The following NSRP1 variants were observed in gnomAD, a reference collection of about 807,000 sequenced individuals.
The protein encoded by NSRP1 is coiled-coil domain containing 55.
NSRP1 carries 24 observed loss-of-function variants against 54.7 expected under a neutral mutation model. The observed-to-expected ratio is 0.44, with a 90% confidence interval of 0.32 to 0.62. NSRP1 has a LOEUF of 0.62. Ranked by LOEUF, NSRP1 falls within the 20% of genes least tolerant of loss-of-function variation. The pLI, the probability that NSRP1 is intolerant of heterozygous loss-of-function variation, is 0.06. For missense variants in NSRP1, 596 were observed against 651.2 expected, an observed-to-expected ratio of 0.92 and a Z score of 0.92; for synonymous variants, 210 against 213.8, an observed-to-expected ratio of 0.98 and a Z score of 0.15.
chr17:30,176,811 T>C (rs571735926), intron 3 of NSRP1, among the ~76,000 whole-genome samples: 183 of 152,270 alleles, frequency 1.2e-3, no homozygotes, highest in South Asian at 3.1e-3. Context: ...AAAATGAATT[T>C]CTTAATATTT....
At chr17:30,179,948 C>A (rs762036252) in intron 5 of NSRP1, among the ~76,000 whole-genome samples, 4 of 149,030 alleles carry the variant, frequency 2.7e-5, no homozygotes, top group Non-Finnish European at 3.0e-5. Context: ...GTGATCCTCC[C>A]ACCTCAGCCT....
At position 30,140,731 on chromosome 17, in the gene NSRP1, T is replaced by C. The variant is rs182506371; in HGVS notation, c.114+22558T>C. ...TTTTAGTAGAGACAGGGTTTCACCA[T>C]GTTGGTCAGGCTGGTCTCGAACTCC... On this transcript the variant is annotated intron_variant, in intron 2 of 6. Transcript: ENST00000247026. 2.6e-5 allele frequency among the ~76,000 whole-genome samples: 4 copies of C among 152,164 alleles called. No homozygotes were observed. In the East Asian group the frequency reaches 7.7e-4, roughly 29 times the overall value.
At chr17:30,127,405 G>C (rs4473252) in intron 2 of NSRP1, among the ~76,000 whole-genome samples, 62,571 of 152,034 alleles carry the variant, frequency 0.41, 14,363 homozygotes, top group East Asian at 0.82. Context: ...ACGATGTATA[G>C]AATCTGAAAA....
intron 5 of NSRP1, 96 bp from the exon 6 acceptor site, chr17:30,180,812 A>G (rs1905266699): frequency 2.7e-6 from 2 of 746,220 alleles, no homozygotes; most frequent in African/African-American, 1.8e-5. Flanking sequence ...TCCAGCGAGT[A>G]GTTTACACAC....
At chr17:30,117,917 G>C (rs1382488974) in intron 1 of NSRP1, 163 bp from the exon 2 acceptor site, 3 of 567,204 alleles carry the variant, frequency 5.3e-6, no homozygotes, top group Admixed American at 3.0e-5. Flanking sequence ...CTTACGGCAT[G>C]TTAGAATTTT....
At chr17:30,162,706 A>G (rs1904563810) in intron 2 of NSRP1, among the ~76,000 whole-genome samples, 1 of 152,172 alleles carries the variant, frequency 6.6e-6, no homozygotes, top group South Asian at 2.1e-4. Flanking sequence ...TGGAATAATT[A>G]TTTCTACAAA....
At chr17:30,163,608 G>GAA (rs899530993) in intron 2 of NSRP1, among the ~76,000 whole-genome samples, 1 of 148,816 alleles carries the variant, frequency 6.7e-6, no homozygotes, top group Non-Finnish European at 1.5e-5. Flanking sequence ...AATGAAGGGA[G>GAA]AAAAAAACTA....
intron 2 of NSRP1, among the ~76,000 whole-genome samples, chr17:30,123,320 G>GT (rs1446955359): frequency 6.6e-6 from 1 of 151,658 alleles, no homozygotes. Flanking sequence ...GTTTCACTAT[G>GT]TTGGCCAGGC....
chr17:30,141,717 T>A lies in NSRP1; in HGVS notation c.114+23544T>A, dbSNP rs149692002. Among the ~76,000 whole-genome samples the A allele has an allele frequency of 2.3e-3, 344 of 152,304 alleles. 1 individual carries two copies. Among genetic ancestry groups the A allele is most frequent in the African/African-American group, 7.7e-3 (320 of 41,576 alleles). On this transcript the variant is annotated intron_variant, in intron 2 of 6. Transcript: ENST00000247026. ...ATTTTTAAAACTTTAAAAATGTGAA[T>A]ATCGGCTGGGCGCAGTGGCTCATGC...
intron 2 of NSRP1, among the ~76,000 whole-genome samples, chr17:30,118,692 C>T (rs1385078478): frequency 4.0e-5 from 6 of 151,316 alleles, no homozygotes; most frequent in East Asian, 1.9e-4. Context: ...AAAACTACTT[C>T]TGTGAAACCC....
intron 2 of NSRP1, among the ~76,000 whole-genome samples, chr17:30,156,117 G>A (rs2071959248): frequency 6.6e-6 from 1 of 151,856 alleles, no homozygotes; most frequent in African/African-American, 2.4e-5. Context: ...TGGGATTACA[G>A]GCGTGAGCCA....
rs1056827988 is a variant in NSRP1, at chr17:30,186,279, T to A, written c.*605T>A. 2 of 152,162 alleles carry A rather than the reference T, an allele frequency of 1.3e-5. No individual in the cohort carries two copies. Among genetic ancestry groups the A allele is most frequent in the South Asian group, 2.1e-4 (1 of 4,830 alleles). The allele number at this position is 152,162 out of a possible 1,614,324, so 9.4% of individuals were successfully genotyped here. A position where few individuals can be genotyped will look rare whatever the true frequency, so the allele number is the denominator to read the frequency against. On this transcript the variant is annotated 3_prime_UTR_variant, in exon 7 of 7. Transcript: ENST00000247026. Reference sequence around the variant, plus strand: ...GACCCTGTCTCTAAAAAATTTTTTTTAAATAAATAATTTAACTCTTCTAAT... The same window carrying A: ...GACCCTGTCTCTAAAAAATTTTTTTAAAATAAATAATTTAACTCTTCTAAT...
At chr17:30,151,670 G>GT (rs2071911591) in intron 2 of NSRP1, among the ~76,000 whole-genome samples, 1 of 150,678 alleles carries the variant, frequency 6.6e-6, no homozygotes, top group Non-Finnish European at 1.5e-5. Context: ...CACATTGGGT[G>GT]TAACTTTTAC....
chr17:30,154,194 G>T (rs892170626), intron 2 of NSRP1, among the ~76,000 whole-genome samples: 34 of 152,012 alleles, frequency 2.2e-4, no homozygotes, highest in African/African-American at 7.5e-4. Flanking sequence ...GGTGGCAGGT[G>T]CCTGTGGTCC....
rs561206034 is a variant in NSRP1 at position 30,184,978 on chromosome 17, C to T, written c.981C>T (p.Asp327=). 4 of 1,613,944 alleles carry T rather than the reference C, an allele frequency of 2.5e-6. No homozygotes were observed. The highest frequency in any genetic ancestry group is 2.2e-5 in the East Asian group (1 of 44,866). Residue 327 remains aspartate, a synonymous_variant, in exon 7 of 7, where the codon GAC becomes GAT. Coordinates refer to ENST00000247026, the MANE Select transcript of NSRP1 (RefSeq NM_032141.4). ...EDQHQQKQSR[D]QENHYTDRDY... ...AGCACCAGCAGAAGCAATCCAGAGACCAAGAGAACCATTACACTGACCGTG... is the reference window on the plus strand; with the variant it reads ...AGCACCAGCAGAAGCAATCCAGAGATCAAGAGAACCATTACACTGACCGTG...
At chr17:30,129,760 T>A (rs1161075443) in intron 2 of NSRP1, among the ~76,000 whole-genome samples, 1 of 152,196 alleles carries the variant, frequency 6.6e-6, no homozygotes, top group African/African-American at 2.4e-5. Context: ...GTAGATATAG[T>A]CTAGTATAGT....
intron 2 of NSRP1, among the ~76,000 whole-genome samples, chr17:30,142,877 A>G (rs77164275): frequency 0.019 from 2,887 of 152,300 alleles, 76 homozygotes; most frequent in African/African-American, 0.062. Flanking sequence ...GTACCATTAT[A>G]TTAGAAAAAT....
intron 2 of NSRP1, among the ~76,000 whole-genome samples, chr17:30,121,570 G>GTT (rs36072997): frequency 1.2e-3 from 161 of 132,748 alleles, no homozygotes; most frequent in Non-Finnish European, 1.5e-3. Flanking sequence ...GTGTGTGTGT[G>GTT]TTTTTTTTTT....
At chr17:30,142,612 G>A (rs1049691116) in intron 2 of NSRP1, among the ~76,000 whole-genome samples, 1 of 152,062 alleles carries the variant, frequency 6.6e-6, no homozygotes, top group South Asian at 2.1e-4. Flanking sequence ...GACCTCACCC[G>A]ACCTAAGTAT....
Sources: allele counts gnomAD v4.1 joint callset (sites outside exome capture counted in the v4.1 genomes callset), GRCh38; gene constraint gnomAD v4.1.1; transcripts MANE v1.5; gene names NCBI Gene and HGNC (gene_info 2026-07-23, HGNC 2026-07-21).